PTPRD: variants seen among roughly 807,000 people sequenced by gnomAD.
The protein encoded by PTPRD is receptor-type tyrosine-protein phosphatase delta.
In PTPRD, 34 loss-of-function variants were observed where a neutral mutation model predicts 214.5. The observed-to-expected ratio is 0.16, with a 90% CI of 0.12 to 0.21. PTPRD has a LOEUF of 0.21. Ranked by LOEUF, PTPRD falls within the 10% of genes least tolerant of loss-of-function variation. The pLI, the probability that PTPRD is intolerant of heterozygous loss-of-function variation, is 1.00. For missense variants in PTPRD, 2,545 were observed against 2,398.7 expected (o/e 1.06, Z -1.27); for synonymous variants, 1,128 against 845.7 (o/e 1.33, Z -5.79).
chr9:8,968,761 T>C (rs1300595573), intron 11 of PTPRD, among the ~76,000 whole-genome samples: 1 of 149,578 alleles, frequency 6.7e-6, no homozygotes, highest in Admixed American at 6.6e-5. Context: ...CAATGCAAAA[T>C]TATAAATTAA....
At chr9:10,270,820 G>A (rs2094375003) in intron 3 of PTPRD, among the ~76,000 whole-genome samples, 1 of 151,924 alleles carries the variant, frequency 6.6e-6, no homozygotes, top group Non-Finnish European at 1.5e-5. Flanking sequence ...CTAACATTAT[G>A]TAAATTCTTT....
intron 8 of PTPRD, among the ~76,000 whole-genome samples, chr9:9,548,605 G>A (rs2079416558): frequency 6.6e-6 from 1 of 151,614 alleles, no homozygotes; most frequent in South Asian, 2.1e-4. Context: ...CACCATGCTG[G>A]CCAGGCTGGT....
intron 11 of PTPRD, among the ~76,000 whole-genome samples, chr9:8,795,005 C>T (rs1010555620): frequency 2.0e-5 from 3 of 152,062 alleles, no homozygotes; most frequent in Non-Finnish European, 4.4e-5. Flanking sequence ...ATCTTCTTGG[C>T]ATGCACTTAC....
intron 7 of PTPRD, among the ~76,000 whole-genome samples, chr9:9,607,412 C>T (rs577733530): frequency 1.3e-5 from 2 of 152,114 alleles, no homozygotes; most frequent in African/African-American, 4.8e-5. Context: ...ATTCTCACAA[C>T]AAGCTGAAGA....
intron 7 of PTPRD, among the ~76,000 whole-genome samples, chr9:9,683,967 C>T (rs2097123316): frequency 6.6e-6 from 1 of 151,592 alleles, no homozygotes; most frequent in African/African-American, 2.4e-5. Context: ...ATGTCCTTGA[C>T]TGCCAAAACA....
chr9:10,119,045 G>A (rs1309954179), intron 3 of PTPRD, among the ~76,000 whole-genome samples: 9 of 151,618 alleles, frequency 5.9e-5, no homozygotes, highest in Non-Finnish European at 1.2e-4. Flanking sequence ...GACTAACCAG[G>A]GCATTAAAGT....
Position 10,199,901 on chromosome 9 carries a change from GCGCACACA to G in PTPRD, c.-545+141054_-545+141061del, listed in dbSNP as rs568929467. Reference sequence around the variant, plus strand: ...TTAACACAAGTACATGGGCACTCGCGCGCACACACGCACACACACACACACACACACAC... The same window carrying G: ...TTAACACAAGTACATGGGCACTCGCGCGCACACACACACACACACACACAC... On this transcript the variant is annotated intron_variant, in intron 3 of 45. Transcript: ENST00000381196. 2.3e-3 allele frequency among the ~76,000 whole-genome samples: 347 copies of G among 149,854 alleles called. 1 individual carries two copies. Among genetic ancestry groups the G allele is most frequent in the East Asian group, 0.014 (69 of 5,054 alleles).
intron 31 of PTPRD, 64 bp downstream of exon 31, chr9:8,470,930 AG>A (rs3215748): frequency 0.2 from 291,399 of 1,422,272 alleles, 31,152 homozygotes; most frequent in African/African-American, 0.28. Context: ...CCTCCAAGGG[AG>A]GGGGGCGGAA....
At chr9:8,878,450 T>C (rs1163752119) in intron 11 of PTPRD, among the ~76,000 whole-genome samples, 2 of 152,056 alleles carry the variant, frequency 1.3e-5, no homozygotes, top group Non-Finnish European at 2.9e-5. Context: ...GGGTGGCATA[T>C]GCTTAAGGAG....
chr9:9,840,187 AC>A (rs1215051707), intron 5 of PTPRD, among the ~76,000 whole-genome samples: 1 of 151,948 alleles, frequency 6.6e-6, no homozygotes, highest in Non-Finnish European at 1.5e-5. Flanking sequence ...ACAGGCACTC[AC>A]CACCACGCCC....
chr9:8,805,687 C>T (rs2096662590), intron 11 of PTPRD, among the ~76,000 whole-genome samples: 1 of 151,370 alleles, frequency 6.6e-6, no homozygotes, highest in African/African-American at 2.4e-5. Flanking sequence ...ACAGCAACCT[C>T]CACCCCCTGG....
chr9:9,943,689 AT>A (rs2092049400), intron 4 of PTPRD, among the ~76,000 whole-genome samples: 1 of 152,194 alleles, frequency 6.6e-6, no homozygotes, highest in Non-Finnish European at 1.5e-5. Context: ...CTGAATAAGA[AT>A]TTGAAGGAGG....
intron 10 of PTPRD, among the ~76,000 whole-genome samples, chr9:9,104,351 G>T (rs955209047): frequency 6.6e-6 from 1 of 152,084 alleles, no homozygotes; most frequent in Non-Finnish European, 1.5e-5. Context: ...ATCATTTTTA[G>T]AATATGGGCT....
At chr9:10,197,543 T>C (rs185384409) in intron 3 of PTPRD, among the ~76,000 whole-genome samples, 59 of 152,270 alleles carry the variant, frequency 3.9e-4, no homozygotes, top group Non-Finnish European at 7.1e-4. Context: ...GAACTATATC[T>C]CTGTAAGAAA....
intron 5 of PTPRD, among the ~76,000 whole-genome samples, chr9:9,858,355 A>G (rs183813813): frequency 4.8e-4 from 73 of 152,326 alleles, no homozygotes; most frequent in African/African-American, 1.7e-3. Context: ...ACCTTTCCAG[A>G]AAATAGTGCC....
At chr9:9,523,608 CT>C (rs1451074776) in intron 8 of PTPRD, among the ~76,000 whole-genome samples, 5 of 151,960 alleles carry the variant, frequency 3.3e-5, no homozygotes, top group Non-Finnish European at 7.4e-5. Context: ...TGAAACTGCC[CT>C]TGTTAAAGTC....
chr9:8,945,270 T>A (rs1251369396), intron 11 of PTPRD, among the ~76,000 whole-genome samples: 1 of 152,022 alleles, frequency 6.6e-6, no homozygotes, highest in African/African-American at 2.4e-5. Context: ...ATCTCCCACT[T>A]AAGGCCTGAA....
intron 9 of PTPRD, among the ~76,000 whole-genome samples, chr9:9,202,095 T>C (rs1271382854): frequency 1.3e-5 from 2 of 152,172 alleles, no homozygotes; most frequent in African/African-American, 4.8e-5. Context: ...GGATGGACTT[T>C]GGATAGTGTG....
At chr9:9,265,191 A>C (rs532004113) in intron 9 of PTPRD, among the ~76,000 whole-genome samples, 1 of 151,832 alleles carries the variant, frequency 6.6e-6, no homozygotes, top group Admixed American at 6.6e-5. Context: ...ATAAAAGGTA[A>C]AAGACAAAAA....
Sources: gnomAD v4.1 joint callset for allele counts (sites outside exome capture counted in the v4.1 genomes callset) on GRCh38, gnomAD v4.1.1 for gene constraint, MANE v1.5 for transcripts, NCBI Gene and HGNC (gene_info 2026-07-23, HGNC 2026-07-21) for gene names.